Variants in NPAS3 observed in about 807,000 individuals in gnomAD.
NPAS3 encodes neuronal PAS domain protein 3, also known as neuronal PAS domain-containing protein 3.
In NPAS3, 14 loss-of-function variants were observed where a neutral mutation model predicts 73.1. That is an observed-to-expected ratio of 0.19 (90% CI 0.13 to 0.30). NPAS3 has a LOEUF of 0.30. NPAS3 is among the 10% of genes least tolerant of loss of function. The probability of loss-of-function intolerance (pLI) is 1.00; values close to 1 mark genes in which losing one functional copy is unlikely to be tolerated. For missense variants in NPAS3, 1,096 were observed against 1,250.0 expected, an observed-to-expected ratio of 0.88 and a Z score of 1.86; for synonymous variants, 620 against 541.5, an observed-to-expected ratio of 1.14 and a Z score of -2.01.
At chr14:33,021,957 T>G (rs1041023238) in intron 1 of NPAS3, among the ~76,000 whole-genome samples, 4 of 152,152 alleles carry the variant, frequency 2.6e-5, no homozygotes, top group African/African-American at 7.2e-5. Flanking sequence ...ATTGCACTGA[T>G]GAGGAAACTA....
intron 2 of NPAS3, among the ~76,000 whole-genome samples, chr14:33,188,776 A>G (rs2046069438): frequency 6.6e-6 from 1 of 152,224 alleles, no homozygotes; most frequent in Admixed American, 6.5e-5. Flanking sequence ...TCAGGAAGCG[A>G]TAAGATGAAT....
chr14:33,359,857 A>T (rs2045511687), intron 3 of NPAS3, among the ~76,000 whole-genome samples: 1 of 152,226 alleles, frequency 6.6e-6, no homozygotes, highest in Non-Finnish European at 1.5e-5. Flanking sequence ...CGTGAGCGAC[A>T]CATGATATCC....
intron 4 of NPAS3, among the ~76,000 whole-genome samples, chr14:33,371,447 C>T (rs1215579705): frequency 1.3e-5 from 2 of 152,106 alleles, no homozygotes; most frequent in Non-Finnish European, 2.9e-5. Context: ...GCATTTTGTG[C>T]ATATTGGAAA....
chr14:33,797,371 G>A, intron 10 of NPAS3, 86 bp from the exon 11 acceptor site: 1 of 1,431,592 alleles, frequency 7.0e-7, no homozygotes, highest in South Asian at 1.3e-5. Flanking sequence ...CCAGAAGTCT[G>A]GGACAAAGAA....
At chr14:33,168,538 C>A (rs1446101329) in intron 2 of NPAS3, among the ~76,000 whole-genome samples, 1 of 152,148 alleles carries the variant, frequency 6.6e-6, no homozygotes, top group East Asian at 1.9e-4. Context: ...CGAGTTGGAG[C>A]CCCAAGCCCC....
intron 3 of NPAS3, among the ~76,000 whole-genome samples, chr14:33,258,862 G>C (rs2139941361): frequency 6.6e-6 from 1 of 152,264 alleles, no homozygotes; most frequent in Non-Finnish European, 1.5e-5. Context: ...CACCAAGGCT[G>C]GAGTGCAGTG....
intron 5 of NPAS3, among the ~76,000 whole-genome samples, chr14:33,593,946 C>A (rs2057154953): frequency 6.6e-6 from 1 of 152,186 alleles, no homozygotes; most frequent in Non-Finnish European, 1.5e-5. Context: ...CCTCTCTCAA[C>A]ACACATCACA....
chr14:33,410,393 G>T (rs1391762857), intron 4 of NPAS3, among the ~76,000 whole-genome samples: 1 of 152,132 alleles, frequency 6.6e-6, no homozygotes, highest in Non-Finnish European at 1.5e-5. Context: ...ACACTCAGAA[G>T]ATTGCTGCCT....
At chr14:33,181,594 G>T (rs1301091409) in intron 2 of NPAS3, among the ~76,000 whole-genome samples, 1 of 152,202 alleles carries the variant, frequency 6.6e-6, no homozygotes, top group Non-Finnish European at 1.5e-5. Context: ...AAATTTAGTA[G>T]TTGGGTAGAT....
intron 1 of NPAS3, among the ~76,000 whole-genome samples, chr14:32,986,944 G>C (rs868463103): frequency 6.6e-6 from 1 of 152,150 alleles, no homozygotes; most frequent in African/African-American, 2.4e-5. Context: ...GCTGCCCCGC[G>C]GTGCTGAGAA....
intron 1 of NPAS3, among the ~76,000 whole-genome samples, chr14:33,024,648 A>G (rs1001260240): frequency 6.6e-6 from 1 of 152,166 alleles, no homozygotes; most frequent in African/African-American, 2.4e-5. Flanking sequence ...TTATTTACAA[A>G]ACATTGTTCA....
chr14:33,279,734 C>T (rs1273156381), intron 3 of NPAS3, among the ~76,000 whole-genome samples: 1 of 152,082 alleles, frequency 6.6e-6, no homozygotes, highest in Non-Finnish European at 1.5e-5. Context: ...GGGGAAGGAA[C>T]AGTTCAGAAA....
intron 2 of NPAS3, among the ~76,000 whole-genome samples, chr14:33,193,100 T>G (rs922754606): frequency 6.6e-6 from 1 of 152,202 alleles, no homozygotes; most frequent in African/African-American, 2.4e-5. Flanking sequence ...GCTATCTCTT[T>G]TATACATAAA....
At chr14:33,009,575 A>T (rs2039119876) in intron 1 of NPAS3, among the ~76,000 whole-genome samples, 1 of 152,216 alleles carries the variant, frequency 6.6e-6, no homozygotes, top group Admixed American at 6.5e-5. Flanking sequence ...TGGAAGCATG[A>T]GCAGTAGCAT....
chr14:33,560,102 T>A lies in NPAS3; in HGVS notation c.469-19T>A, dbSNP rs1407210360. 1 of 845,788 alleles carries A rather than the reference T, an allele frequency of 1.2e-6. No homozygotes were observed. The highest frequency in any genetic ancestry group is 1.7e-5 in the African/African-American group (1 of 60,032). 52.4% of individuals were successfully genotyped at this position (845,788 alleles called of 1,614,324 possible). A position where few individuals can be genotyped will look rare whatever the true frequency, so the allele number is the denominator to read the frequency against. On this transcript the variant is annotated intron_variant, in intron 4 of 11. Coordinates refer to ENST00000356141, the Ensembl canonical transcript of NPAS3. ...TTGTATTTATTAATCTATTTATATA[T>A]TTATTCTTTTTCCTGCAGTCCCTGG...
intron 4 of NPAS3, among the ~76,000 whole-genome samples, chr14:33,374,640 G>T (rs2046239448): frequency 6.6e-6 from 1 of 151,528 alleles, no homozygotes; most frequent in Non-Finnish European, 1.5e-5. Flanking sequence ...GATTCTGCTG[G>T]GGAAAATATG....
intron 9 of NPAS3, among the ~76,000 whole-genome samples, chr14:33,789,292 C>T (rs967515227): frequency 2.0e-5 from 3 of 152,174 alleles, no homozygotes; most frequent in African/African-American, 7.2e-5. Flanking sequence ...AACTCTAAAG[C>T]TCCTATAACT....
chr14:33,682,081 T>TAATAAATGAAATTA (rs527313387), intron 6 of NPAS3, among the ~76,000 whole-genome samples: 4,720 of 152,314 alleles, frequency 0.031, 112 homozygotes, highest in Non-Finnish European at 0.045. Context: ...AGTCCCCAAC[T>TAATAAATGAAATTA]AATAAATGAA....
chr14:32,980,808 G>T (rs1369150487), intron 1 of NPAS3, among the ~76,000 whole-genome samples: 1 of 152,144 alleles, frequency 6.6e-6, no homozygotes, highest in East Asian at 1.9e-4. Context: ...AATTTGAATC[G>T]AGGCCAGTAT....
Sources: gnomAD v4.1 joint callset for allele counts (sites outside exome capture counted in the v4.1 genomes callset) on GRCh38, gnomAD v4.1.1 for gene constraint, MANE v1.5 for transcripts, NCBI Gene and HGNC (gene_info 2026-07-23, HGNC 2026-07-21) for gene names.